The following PLEKHS1 variants were observed in gnomAD, a reference collection of about 807,000 sequenced individuals.
PLEKHS1 encodes the protein pleckstrin homology domain containing S1.
In PLEKHS1, 55 loss-of-function variants were observed where a neutral mutation model predicts 51.0. The observed-to-expected ratio is 1.08, with a 90% CI of 0.87 to 1.35. PLEKHS1 has a LOEUF of 1.35. Among genes scored for constraint, PLEKHS1 ranks in the 40% most tolerant of loss-of-function variants. The pLI is 0.00. For synonymous variants in PLEKHS1, 153 were observed against 144.8 expected (o/e 1.06, Z -0.41); for missense variants, 398 against 423.0 (o/e 0.94, Z 0.52).
intron 11 of PLEKHS1, chr10:113,777,743 AT>A: frequency 6.8e-7 from 1 of 1,463,104 alleles, no homozygotes; most frequent in Non-Finnish European, 9.0e-7. Flanking sequence ...ATGGAATGTT[AT>A]TCAAGCCCAT....
chr10:113,780,757 C>G, exon 12 of PLEKHS1: 1 of 1,569,356 alleles, frequency 6.4e-7, no homozygotes, highest in Non-Finnish European at 8.6e-7. Context: ...TTAAAAAGAG[C>G]CAGCAGAAAG....
Position 113,775,764 on chromosome 10 carries a change from G to A in PLEKHS1, c.990-1G>A, listed in dbSNP as rs1844622167. 6.2e-7 allele frequency: 1 copy of A among 1,609,604 alleles called. No homozygotes were observed. ...GACTTTTACAAATGTCTTGTTCATA[G>A]TAATATCCCCGATGAAAGCCAAGTG... On this transcript the variant is annotated splice_acceptor_variant, in intron 10 of 11. Coordinates refer to ENST00000361048, the Ensembl canonical transcript of PLEKHS1. LOFTEE classifies it high-confidence loss of function.
At position 113,775,870 on chromosome 10, in the gene PLEKHS1, G is replaced by T. The variant is rs778702769; in HGVS notation, c.1091+4G>T. ...CAGAAGCCACAGGACGGATATGGTAGGTTGGAGATTTGACTGTTGTGGATT... is the reference window on the plus strand; with the variant it reads ...CAGAAGCCACAGGACGGATATGGTATGTTGGAGATTTGACTGTTGTGGATT... On this transcript the variant is annotated splice_donor_region_variant and intron_variant, in intron 11 of 11. Coordinates refer to ENST00000361048, the Ensembl canonical transcript of PLEKHS1. The T allele has an allele frequency of 6.3e-7, 1 of 1,594,830 alleles. No individual in the cohort carries two copies. The highest frequency in any genetic ancestry group is 1.1e-5 in the South Asian group (1 of 88,408).
At chr10:113,763,477 G>A (rs7076315) in intron 2 of PLEKHS1, among the ~76,000 whole-genome samples, 35,241 of 151,930 alleles carry the variant, frequency 0.23, 4,544 homozygotes, top group African/African-American at 0.35. Context: ...GTATCATATT[G>A]TTATTTATTT....
intron 2 of PLEKHS1, among the ~76,000 whole-genome samples, chr10:113,762,358 TTTG>T (rs1359932864): frequency 1.4e-5 from 2 of 142,312 alleles, no homozygotes; most frequent in African/African-American, 5.1e-5. Flanking sequence ...TGACTTTAGA[TTTG>T]TTCCTTTTTT....
chr10:113,765,271 G>T, intron 2 of PLEKHS1: 1 of 689,026 alleles, frequency 1.5e-6, no homozygotes, highest in Non-Finnish European at 2.7e-6. Context: ...GTTTGGAGCA[G>T]TGCTCAGTGT....
chr10:113,773,553 T>C (rs1239178964), intron 8 of PLEKHS1, among the ~76,000 whole-genome samples: 1 of 152,000 alleles, frequency 6.6e-6, no homozygotes, highest in African/African-American at 2.4e-5. Context: ...ATGATTTCAG[T>C]AGGCCGAAAG....
At chr10:113,753,815 TA>T (rs1008244353) in intron 1 of PLEKHS1, among the ~76,000 whole-genome samples, 24 of 152,246 alleles carry the variant, frequency 1.6e-4, no homozygotes, top group South Asian at 1.5e-3. Flanking sequence ...TTGTATTATA[TA>T]TTTTTTTTAT....
chr10:113,755,689 G>A (rs1249589530), intron 2 of PLEKHS1, among the ~76,000 whole-genome samples: 2 of 152,184 alleles, frequency 1.3e-5, no homozygotes, highest in African/African-American at 4.8e-5. Flanking sequence ...ACAGGCATAA[G>A]CCACCATGTA....
At chr10:113,772,815 G>A (rs1218702616) in intron 8 of PLEKHS1, among the ~76,000 whole-genome samples, 2 of 152,212 alleles carry the variant, frequency 1.3e-5, no homozygotes, top group African/African-American at 4.8e-5. Flanking sequence ...CATAGTGGGA[G>A]ATAAACAGAA....
rs560486710 is a variant in PLEKHS1, at chr10:113,773,940, G to T, written c.673-287G>T. On this transcript the variant is annotated intron_variant, in intron 8 of 11. Transcript: ENST00000361048. ...AAATGCTTTCATGTCATTAAGTGCCGAATGGTGAAACAGAAAGATAAACAG... is the reference window on the plus strand; with the variant it reads ...AAATGCTTTCATGTCATTAAGTGCCTAATGGTGAAACAGAAAGATAAACAG... Among the ~76,000 whole-genome samples the T allele has an allele frequency of 5.9e-5, 9 of 152,250 alleles. No homozygotes were observed. In the East Asian group the frequency reaches 1.7e-3, roughly 29 times the overall value.
exon 10 of PLEKHS1, chr10:113,774,986 C>A (rs1844583356): frequency 6.2e-7 from 1 of 1,614,116 alleles, no homozygotes; most frequent in Non-Finnish European, 8.5e-7. Context: ...CACAAATGAC[C>A]AAAAGGGGTC....
intron 8 of PLEKHS1, among the ~76,000 whole-genome samples, chr10:113,772,717 A>G (rs1445689302): frequency 6.6e-6 from 1 of 152,192 alleles, no homozygotes; most frequent in Non-Finnish European, 1.5e-5. Context: ...TCTCTATCAG[A>G]GTCAAGGAAG....
intron 10 of PLEKHS1, 141 bp downstream of exon 10, chr10:113,775,176 C>T (rs1281030911): frequency 2.7e-6 from 2 of 746,380 alleles, no homozygotes; most frequent in Admixed American, 2.7e-5. Flanking sequence ...CATCTTCTCC[C>T]TGTCATTGAT....
At chr10:113,768,626 A>T (rs922469938) in intron 5 of PLEKHS1, among the ~76,000 whole-genome samples, 189 bp from the exon 6 acceptor site, 1 of 152,232 alleles carries the variant, frequency 6.6e-6, no homozygotes, top group African/African-American at 2.4e-5. Context: ...TTCCTTGCAG[A>T]GGTGGCTGAG....
At chr10:113,777,635 A>C in intron 11 of PLEKHS1, 1 of 1,537,960 alleles carries the variant, frequency 6.5e-7, no homozygotes, top group Non-Finnish European at 8.8e-7. Flanking sequence ...TTGGATAATT[A>C]AATGAGGTAA....
chr10:113,765,666 G>A (rs1176162637), intron 2 of PLEKHS1, among the ~76,000 whole-genome samples: 3 of 152,204 alleles, frequency 2.0e-5, no homozygotes, highest in African/African-American at 7.2e-5. Context: ...TTTCTAAAAT[G>A]TCTACAATAA....
chr10:113,768,735 C>G, intron 5 of PLEKHS1, 80 bp from the exon 6 acceptor site: 1 of 1,175,492 alleles, frequency 8.5e-7, no homozygotes, highest in Non-Finnish European at 1.2e-6. Flanking sequence ...ACCATTCTAA[C>G]ATTCATAAAA....
intron 1 of PLEKHS1, among the ~76,000 whole-genome samples, chr10:113,754,249 C>T (rs185459114): frequency 6.6e-6 from 1 of 152,290 alleles, no homozygotes; most frequent in Non-Finnish European, 1.5e-5. Context: ...AGGGCCTCTG[C>T]TTCCTCCCCC....
Sources: allele counts gnomAD v4.1 joint callset (sites outside exome capture counted in the v4.1 genomes callset), GRCh38; gene constraint gnomAD v4.1.1; transcripts MANE v1.5; gene names NCBI Gene and HGNC (gene_info 2026-07-23, HGNC 2026-07-21).